BAAT: variants seen among roughly 807,000 people sequenced by gnomAD.
BAAT encodes bile acid-CoA:amino acid N-acyltransferase.
In BAAT, 13 loss-of-function variants were observed where a neutral mutation model predicts 18.9. The observed-to-expected ratio is 0.69, with a 90% confidence interval of 0.45 to 1.10. BAAT has a LOEUF of 1.10. Ranked by LOEUF, BAAT falls within the 50% of genes least tolerant of loss-of-function variation. The pLI is 0.00. For synonymous variants in BAAT, 170 were observed against 190.7 expected, an observed-to-expected ratio of 0.89 and a Z score of 0.89; for missense variants, 489 against 504.0, an observed-to-expected ratio of 0.97 and a Z score of 0.28.
intron 3 of BAAT, among the ~76,000 whole-genome samples, chr9:101,366,135 C>T (rs1228539657): frequency 6.6e-6 from 1 of 152,044 alleles, no homozygotes; most frequent in Non-Finnish European, 1.5e-5. Flanking sequence ...CCCCACCCCT[C>T]CCAATCCTAT....
At chr9:101,378,338 G>C (rs1230059951) in intron 1 of BAAT, among the ~76,000 whole-genome samples, 1 of 152,026 alleles carries the variant, frequency 6.6e-6, no homozygotes, top group Non-Finnish European at 1.5e-5. Flanking sequence ...ATACTACAAG[G>C]CTACAGTAAA....
intron 2 of BAAT, 50 bp from the exon 3 acceptor site, chr9:101,368,372 A>T (rs750132772): frequency 6.5e-7 from 1 of 1,534,276 alleles, no homozygotes; most frequent in Non-Finnish European, 8.9e-7. Flanking sequence ...TGTGGAAAAG[A>T]TAAGAAAACT....
At position 101,362,643 on chromosome 9, in the gene BAAT, C is replaced by G; in HGVS notation, c.1042G>C (p.Gly348Arg). 6.2e-7 allele frequency: 1 copy of G among 1,614,136 alleles called. No individual in the cohort carries two copies. Among genetic ancestry groups the G allele is most frequent in the Non-Finnish European group, 8.5e-7 (1 of 1,180,026 alleles). Residue 348 changes from glycine (G) to arginine (R), a missense_variant, in exon 4 of 4, where the codon GGG (glycine) becomes CGG (arginine). Physicochemically the swap from Gly to Arg is moderately radical, Grantham distance 125 (BLOSUM62 -2). Transcript: ENST00000259407. ...GATAGCAGGGTCCAGTTGTTCTTCC[C>G]ATGTCTCTTCAGCTGTCCTATGGCT... ...EQAIGQLKRH[G>R]KNNWTLLSYP...
At position 101,371,341 on chromosome 9, in the gene BAAT, T is replaced by C; in HGVS notation, c.64A>G (p.Thr22Ala). The C allele has an allele frequency of 2.5e-6, 4 of 1,613,928 alleles. No individual in the cohort carries two copies. The highest frequency in any genetic ancestry group is 3.4e-6 in the Non-Finnish European group (4 of 1,179,938). ...LVDEPVHIRATGLIPFQMVSF... is the reference protein window; with the variant it reads ...LVDEPVHIRAAGLIPFQMVSF... ...ACCATCTGAAAGGGAATCAGGCCTG[T>C]AGCTCGGATATGCACTGGCTCATCA... The change falls in exon 2 of 4, where the codon ACA becomes GCA. Residue 22 changes from threonine to alanine, a missense_variant. By Grantham distance (58) the Thr-to-Ala change is moderately conservative. Coordinates refer to ENST00000259407, the MANE Select transcript of BAAT (RefSeq NM_001701.4).
At chr9:101,373,195 A>G (rs1829985037) in intron 1 of BAAT, among the ~76,000 whole-genome samples, 1 of 152,180 alleles carries the variant, frequency 6.6e-6, no homozygotes, top group African/African-American at 2.4e-5. Context: ...AAACCAATCT[A>G]GAATGCATTG....
chr9:101,378,501 G>A (rs980951292), intron 1 of BAAT, among the ~76,000 whole-genome samples: 9 of 152,086 alleles, frequency 5.9e-5, no homozygotes, highest in Non-Finnish European at 1.0e-4. Flanking sequence ...TTTAATAAAC[G>A]GTCCTGGGAA....
chr9:101,367,411 G>A (rs11788495), intron 3 of BAAT, among the ~76,000 whole-genome samples: 24,064 of 151,954 alleles, frequency 0.16, 2,080 homozygotes, highest in African/African-American at 0.21. Flanking sequence ...GTATGTAGAA[G>A]TCAGATCACA....
Position 101,371,029 on chromosome 9 carries a change from G to A in BAAT, c.376C>T (p.Leu126=). ...NKVASAPKAS[L]TLERWYVAPG... ...GCCACATACCACCTCTCCAAAGTCA[G>A]GCTGGCCTTTGGAGCACTGGCAACT... Residue 126 remains leucine (L), a synonymous_variant, in exon 2 of 4, where the codon CTG becomes TTG. Transcript: ENST00000259407. 1.2e-6 allele frequency: 2 copies of A among 1,614,106 alleles called. No homozygotes were observed. The highest frequency in any genetic ancestry group is 1.7e-6 in the Non-Finnish European group (2 of 1,180,012).
chr9:101,371,080 C>T lies in BAAT; in HGVS notation c.325G>A (p.Asp109Asn). The T allele has an allele frequency of 6.2e-7, 1 of 1,613,928 alleles. No homozygotes were observed. The highest frequency in any genetic ancestry group is 2.2e-5 in the East Asian group (1 of 44,882). ...RPFQVQVKLYDLELIVNNKVA... is the reference protein window; with the variant it reads ...RPFQVQVKLYNLELIVNNKVA... ...TTATTGTTCACTATTAACTCTAAGT[C>T]ATAAAGTTTTACTTGGACCTGGAAA... is the stretch of plus-strand genomic sequence containing the variant. The change falls in exon 2 of 4, where the codon GAC becomes AAC. Residue 109 changes from aspartate (D) to asparagine (N), a missense_variant. Coordinates refer to ENST00000259407, the MANE Select transcript of BAAT (RefSeq NM_001701.4).
intron 3 of BAAT, 109 bp from the exon 4 acceptor site, chr9:101,363,124 T>A: frequency 9.7e-7 from 1 of 1,030,728 alleles, no homozygotes; most frequent in Non-Finnish European, 1.5e-6. Context: ...AAGCAAGTAT[T>A]AATCCTACCC....
chr9:101,368,266 C>G lies in BAAT; in HGVS notation c.523G>C (p.Glu175Gln). The change falls in exon 3 of 4, where the codon GAA becomes CAA. Residue 175 changes from glutamate to glutamine, a missense_variant. Physicochemically the swap from Glu to Gln is conservative, Grantham distance 29 (BLOSUM62 2). Transcript: ENST00000259407. ...CTGGCTAGGAGGCTGGCCCGAAATTCAAGCAGCCCACCCAAACCACCAAAC... is the reference window on the plus strand; with the variant it reads ...CTGGCTAGGAGGCTGGCCCGAAATTGAAGCAGCCCACCCAAACCACCAAAC... ...DLFGGLGGLL[E>Q]FRASLLASRG... The G allele has an allele frequency of 1.2e-6, 2 of 1,613,460 alleles. No homozygotes were observed. Among genetic ancestry groups the G allele is most frequent in the African/African-American group, 1.3e-5 (1 of 75,010 alleles).
rs573884906 is a variant in BAAT at position 101,367,731 on chromosome 9, C to T, written c.669+389G>A. The stretch of plus-strand genomic sequence containing the variant: ...GAACTGTCGGCCTCTATTAATCCTC[C>T]CATCTTGGCCTCCCAGAGTGCTAGA... On this transcript the variant is annotated intron_variant, in intron 3 of 3. Coordinates refer to ENST00000259407, the MANE Select transcript of BAAT (RefSeq NM_001701.4). 1.7e-4 allele frequency among the ~76,000 whole-genome samples: 26 copies of T among 152,266 alleles called. No homozygotes were observed. The South Asian group carries it at 5.2e-3, about 30-fold the overall frequency.
rs374514182 is a variant in BAAT at position 101,362,126 on chromosome 9, C to T, written c.*302G>A. 8.6e-6 allele frequency: 4 copies of T among 463,696 alleles called. No homozygotes were observed. The South Asian group carries it at 1.0e-4, about 12-fold the overall frequency. The allele number at this position is 463,696 out of a possible 1,614,324, so 28.7% of individuals were successfully genotyped here. ...GTTACTTTGGTGCTATTCTTGTTTG[C>T]CTTTTCTTATTTTTGCCAGTGTACT... On this transcript the variant is annotated 3_prime_UTR_variant, in exon 4 of 4. Coordinates refer to ENST00000259407, the MANE Select transcript of BAAT (RefSeq NM_001701.4).
rs765108304 is a variant in BAAT, at chr9:101,368,364, T to C, written c.467-42A>G. 18 of 1,573,072 alleles carry C rather than the reference T, an allele frequency of 1.1e-5. No homozygotes were observed. The South Asian group carries it at 1.8e-4, about 16-fold the overall frequency. On this transcript the variant is annotated intron_variant, in intron 2 of 3. Transcript: ENST00000259407. ...CAGAATTGTACATGAAGAGAAGGTGTGGAAAAGATAAGAAAACTTGAAAAT... is the reference window on the plus strand; with the variant it reads ...CAGAATTGTACATGAAGAGAAGGTGCGGAAAAGATAAGAAAACTTGAAAAT...
chr9:101,370,320 CTTTTTTTTT>C (rs749077224), intron 2 of BAAT, among the ~76,000 whole-genome samples: 1 of 103,672 alleles, frequency 9.6e-6, no homozygotes, highest in African/African-American at 3.9e-5. Context: ...ATGCATTATC[CTTTTTTTTT>C]TTTTTTTTTT....
chr9:101,366,262 A>G (rs1221818981), intron 3 of BAAT, among the ~76,000 whole-genome samples: 1 of 152,202 alleles, frequency 6.6e-6, no homozygotes, highest in African/African-American at 2.4e-5. Context: ...ACAAAAAAGC[A>G]TGACTCATAT....
chr9:101,372,212 G>A (rs1829962690), intron 1 of BAAT, among the ~76,000 whole-genome samples: 1 of 151,782 alleles, frequency 6.6e-6, no homozygotes, highest in South Asian at 2.1e-4. Context: ...TAATATCAGG[G>A]TGACAGGTTC....
intron 1 of BAAT, chr9:101,375,267 C>T (rs1461906375): frequency 6.5e-6 from 1 of 152,816 alleles, no homozygotes; most frequent in Non-Finnish European, 1.5e-5. Flanking sequence ...CCATGTGAAA[C>T]TTTGAGTCCA....
chr9:101,384,960 G>C lies in BAAT; in HGVS notation c.-165C>G, dbSNP rs2119044886. On this transcript the variant is annotated 5_prime_UTR_variant, in exon 1 of 4. Coordinates refer to ENST00000259407, the MANE Select transcript of BAAT (RefSeq NM_001701.4). ...AAGAGTACAAAGAGAGGAATTTACA[G>C]CTGGGCCTCCGGGGGTGATGTCACA... 6.6e-6 allele frequency among the ~76,000 whole-genome samples: 1 copy of C among 152,186 alleles called. No homozygotes were observed. The highest frequency in any genetic ancestry group is 1.5e-5 in the Non-Finnish European group (1 of 68,004).
Sources: allele counts gnomAD v4.1 joint callset (sites outside exome capture counted in the v4.1 genomes callset), GRCh38; gene constraint gnomAD v4.1.1; transcripts MANE v1.5; gene names NCBI Gene and HGNC (gene_info 2026-07-23, HGNC 2026-07-21).